Variants in CALN1 observed in about 807,000 individuals in gnomAD.
The protein encoded by CALN1 is calcium-binding protein 8.
CALN1 carries 17 observed loss-of-function variants against 30.6 expected under a neutral mutation model. That is an observed-to-expected ratio of 0.56 (90% CI 0.38 to 0.83). The LOEUF is 0.83. Among genes scored for constraint, CALN1 ranks in the 40% least tolerant of loss-of-function variants. The pLI is 0.00. For synonymous variants in CALN1, 156 were observed against 131.4 expected (o/e 1.19, Z -1.28); for missense variants, 291 against 354.9 (o/e 0.82, Z 1.45).
intron 1 of CALN1, among the ~76,000 whole-genome samples, chr7:72,421,858 T>A (rs1807623471): frequency 6.6e-6 from 1 of 152,104 alleles, no homozygotes; most frequent in Admixed American, 6.6e-5. Flanking sequence ...AATATCCCAC[T>A]TATTAATGAG....
chr7:72,495,691 G>A, the CALN1 span, among the ~76,000 whole-genome samples: 1 of 152,152 alleles, frequency 6.6e-6, no homozygotes, highest in Non-Finnish European at 1.5e-5. Context: ...GTGGACAAAC[G>A]GTGGGCTATA....
At chr7:72,082,147 G>C (rs181300994) in intron 4 of CALN1, among the ~76,000 whole-genome samples, 1 of 152,016 alleles carries the variant, frequency 6.6e-6, no homozygotes, top group Admixed American at 6.6e-5. Flanking sequence ...CCACCGGGCC[G>C]GCTAATTTTT....
chr7:71,901,078 T>A (rs1286653916), intron 5 of CALN1, among the ~76,000 whole-genome samples: 2 of 152,170 alleles, frequency 1.3e-5, no homozygotes, highest in Non-Finnish European at 2.9e-5. Context: ...GCGATAAACT[T>A]CTTTGCCTAC....
Position 71,780,156 on chromosome 7 carries a change from A to C in CALN1, c.*7619T>G, listed in dbSNP as rs919652181. 5 of 152,188 alleles carry C rather than the reference A, an allele frequency of 3.3e-5. No individual in the cohort carries two copies. Among genetic ancestry groups the C allele is most frequent in the African/African-American group, 1.2e-4 (5 of 41,456 alleles). 9.4% of individuals were successfully genotyped at this position (152,188 alleles called of 1,614,324 possible). ...AGAAAAAGCTTCTTCCTGGATTCAGAACTGGGGAAGAAAATCAGACCCCAA... is the reference window on the plus strand; with the variant it reads ...AGAAAAAGCTTCTTCCTGGATTCAGCACTGGGGAAGAAAATCAGACCCCAA... On this transcript the variant is annotated 3_prime_UTR_variant, in exon 7 of 7. Transcript: ENST00000395275.
intron 2 of CALN1, among the ~76,000 whole-genome samples, chr7:72,281,108 C>T (rs1797708046): frequency 1.3e-5 from 2 of 151,908 alleles, no homozygotes; most frequent in Non-Finnish European, 2.9e-5. Flanking sequence ...CATGCCATTG[C>T]TCTCCAGCCT....
intron 1 of CALN1, among the ~76,000 whole-genome samples, chr7:72,406,373 C>T (rs1562953606): frequency 6.6e-6 from 1 of 152,182 alleles, no homozygotes; most frequent in East Asian, 1.9e-4. Context: ...CCTTATGCAT[C>T]TTGGGACCCA....
intron 2 of CALN1, among the ~76,000 whole-genome samples, chr7:72,316,361 G>A (rs1026972152): frequency 2.0e-5 from 3 of 146,838 alleles, no homozygotes; most frequent in African/African-American, 7.4e-5. Flanking sequence ...GGCAAAAACC[G>A]CAATTACTTT....
the CALN1 span, among the ~76,000 whole-genome samples, chr7:72,461,024 TCTCCTTC>T: frequency 2.0e-5 from 3 of 152,096 alleles, no homozygotes; most frequent in African/African-American, 7.2e-5. Flanking sequence ...CAGCTTCCCC[TCTCCTTC>T]CTCCTTCCTT....
At chr7:71,913,177 A>G (rs1794513238) in intron 5 of CALN1, among the ~76,000 whole-genome samples, 1 of 152,224 alleles carries the variant, frequency 6.6e-6, no homozygotes, top group South Asian at 2.1e-4. Flanking sequence ...CAGAAAGAGG[A>G]AAAGTGAAAA....
At chr7:72,038,916 C>T (rs1801963276) in intron 4 of CALN1, among the ~76,000 whole-genome samples, 1 of 152,240 alleles carries the variant, frequency 6.6e-6, no homozygotes, top group African/African-American at 2.4e-5. Flanking sequence ...CATGGCTGCT[C>T]TGCCTATGGA....
chr7:71,909,243 C>T (rs1794301009), intron 5 of CALN1, among the ~76,000 whole-genome samples: 1 of 152,142 alleles, frequency 6.6e-6, no homozygotes, highest in Admixed American at 6.5e-5. Context: ...GAACTTCTGG[C>T]CTCCGGAAGT....
chr7:72,208,644 C>T (rs1792070810), intron 3 of CALN1, among the ~76,000 whole-genome samples: 1 of 152,068 alleles, frequency 6.6e-6, no homozygotes, highest in African/African-American at 2.4e-5. Flanking sequence ...CTTGCTTTTC[C>T]GTATTTTCCA....
chr7:72,233,691 A>G (rs1794269632), intron 3 of CALN1, among the ~76,000 whole-genome samples: 1 of 152,084 alleles, frequency 6.6e-6, no homozygotes, highest in Middle Eastern at 3.2e-3. Flanking sequence ...TGGGCAACAG[A>G]GCAAGGCCCT....
chr7:71,856,383 G>T (rs982476752), intron 5 of CALN1, among the ~76,000 whole-genome samples: 1 of 151,878 alleles, frequency 6.6e-6, no homozygotes. Flanking sequence ...TGACCTCCAG[G>T]GCTCAAGCAA....
Position 71,925,306 on chromosome 7 carries a change from GAAGA to G in CALN1, c.501+98347_501+98350del, listed in dbSNP as rs566478235. Among the ~76,000 whole-genome samples, 443 of 140,346 alleles carry G rather than the reference GAAGA, an allele frequency of 3.2e-3. 5 individuals are homozygous for G. The highest frequency in any genetic ancestry group is 0.014 in the South Asian group (65 of 4,492). 92.1% of individuals were successfully genotyped at this position (140,346 alleles called of 152,430 possible). A position where few individuals can be genotyped will look rare whatever the true frequency, so the allele number is the denominator to read the frequency against. ...AAGCAAGAAAAGAAAAGAAAAGAAA[GAAGA>G]AAGATTGATTTATATTGATTTGCCT... is the stretch of plus-strand genomic sequence containing the variant. On this transcript the variant is annotated intron_variant, in intron 5 of 6. Coordinates refer to ENST00000395275, the MANE Select transcript of CALN1 (RefSeq NM_031468.4).
intron 4 of CALN1, among the ~76,000 whole-genome samples, chr7:72,062,160 AT>A (rs1803698930): frequency 6.6e-6 from 1 of 152,210 alleles, no homozygotes; most frequent in Non-Finnish European, 1.5e-5. Flanking sequence ...AAGTAAAGAA[AT>A]TCATTGTCAG....
At chr7:72,476,471 C>T in the CALN1 span, among the ~76,000 whole-genome samples, 1 of 152,096 alleles carries the variant, frequency 6.6e-6, no homozygotes, top group Non-Finnish European at 1.5e-5. Context: ...ACCCCTGGGA[C>T]TTCTGGGGTG....
intron 4 of CALN1, among the ~76,000 whole-genome samples, chr7:72,094,368 C>T (rs1335663387): frequency 1.3e-5 from 2 of 152,112 alleles, no homozygotes; most frequent in Non-Finnish European, 2.9e-5. Flanking sequence ...GATTCTCCTG[C>T]CGCCACCTCC....
At chr7:72,027,312 T>G (rs550922532) in intron 4 of CALN1, among the ~76,000 whole-genome samples, 1 of 152,278 alleles carries the variant, frequency 6.6e-6, no homozygotes, top group East Asian at 1.9e-4. Context: ...CCCTCTGGAA[T>G]GTCGGTCTAT....
Sources: allele counts gnomAD v4.1 joint callset (sites outside exome capture counted in the v4.1 genomes callset), GRCh38; gene constraint gnomAD v4.1.1; transcripts MANE v1.5; gene names NCBI Gene and HGNC (gene_info 2026-07-23, HGNC 2026-07-21).